Variants in OR14L1 observed in about 807,000 individuals in gnomAD.
OR14L1 encodes olfactory receptor family 14 subfamily L member 1, also known as olfactory receptor 14L1.
the OR14L1 span, among the ~76,000 whole-genome samples, chr1:247,619,066 G>A: frequency 2.6e-5 from 4 of 152,142 alleles, no homozygotes; most frequent in South Asian, 4.2e-4. Context: ...TGCTTTTTAC[G>A]TGAGGTGTTT....
the OR14L1 span, among the ~76,000 whole-genome samples, chr1:247,618,295 A>G: frequency 6.6e-6 from 1 of 152,178 alleles, no homozygotes; most frequent in Non-Finnish European, 1.5e-5. Context: ...ACAAAGAAGG[A>G]TAAGGAATAT....
chr1:247,621,215 C>T, the OR14L1 span: 3 of 152,238 alleles, frequency 2.0e-5, no homozygotes, highest in East Asian at 1.9e-4. Context: ...AAATCTTCTT[C>T]CATTTTTCCT....
chr1:247,617,559 G>T, the OR14L1 span, among the ~76,000 whole-genome samples: 1 of 152,050 alleles, frequency 6.6e-6, no homozygotes, highest in Non-Finnish European at 1.5e-5. Context: ...TTTTTTTGGG[G>T]TGATAGCAGT....
At chr1:247,617,183 C>T in the OR14L1 span, 1 of 152,160 alleles carries the variant, frequency 6.6e-6, no homozygotes, top group African/African-American at 2.4e-5. Context: ...AGATGTGGCA[C>T]TCATCAAGTT....
chr1:247,620,921 T>C, the OR14L1 span: 22 of 152,272 alleles, frequency 1.4e-4, no homozygotes, highest in South Asian at 4.3e-3. Context: ...CTACCGTATG[T>C]GTATATTAAT....
chr1:247,621,952 T>C, the OR14L1 span: 100,965 of 151,998 alleles, frequency 0.66, 33,900 homozygotes, highest in East Asian at 0.79. Context: ...CATTTGTCCA[T>C]GGTGGACACT....
At chr1:247,620,328 T>C in the OR14L1 span, 1 of 152,200 alleles carries the variant, frequency 6.6e-6, no homozygotes, top group African/African-American at 2.4e-5. Context: ...GGATTCCTTC[T>C]AAGGAGGGTA....
At chr1:247,621,348 A>C in the OR14L1 span, 5 of 152,200 alleles carry the variant, frequency 3.3e-5, no homozygotes, top group Non-Finnish European at 5.9e-5. Context: ...ATTAATACTT[A>C]AACTATAATA....
At chr1:247,620,806 T>C in the OR14L1 span, 2 of 152,218 alleles carry the variant, frequency 1.3e-5, no homozygotes, top group East Asian at 3.8e-4. Flanking sequence ...TGTGCTTTTA[T>C]TCATTTTTAT....
chr1:247,617,899 T>C, the OR14L1 span, among the ~76,000 whole-genome samples: 2 of 152,334 alleles, frequency 1.3e-5, no homozygotes, highest in South Asian at 2.1e-4. Flanking sequence ...CAATGCATAA[T>C]AGTTCTCACT....
chr1:247,617,472 A>G, the OR14L1 span: 1 of 152,240 alleles, frequency 6.6e-6, no homozygotes, highest in Non-Finnish European at 1.5e-5. Flanking sequence ...AATAGATTGC[A>G]CTGATATATT....
the OR14L1 span, among the ~76,000 whole-genome samples, chr1:247,618,823 C>T: frequency 6.6e-6 from 1 of 152,072 alleles, no homozygotes; most frequent in African/African-American, 2.4e-5. Context: ...TAAAATAGTT[C>T]TCAAAACCTA....
chr1:247,617,563 T>C, the OR14L1 span, among the ~76,000 whole-genome samples: 1 of 152,202 alleles, frequency 6.6e-6, no homozygotes, highest in Non-Finnish European at 1.5e-5. Flanking sequence ...TTTGGGGTGA[T>C]AGCAGTTCTG....
the OR14L1 span, among the ~76,000 whole-genome samples, chr1:247,618,915 C>T: frequency 1.1e-3 from 172 of 152,308 alleles, 1 homozygote; most frequent in Non-Finnish European, 1.9e-3. Flanking sequence ...CACTATTACC[C>T]TTTCTCAACA....
chr1:247,621,928 A>G, the OR14L1 span: 2 of 152,154 alleles, frequency 1.3e-5, no homozygotes, highest in Non-Finnish European at 1.5e-5. Context: ...TGTGTATACT[A>G]CATTTTAAAA....
chr1:247,617,312 C>G, the OR14L1 span: 1 of 152,138 alleles, frequency 6.6e-6, no homozygotes, highest in African/African-American at 2.4e-5. Context: ...TAAACCAAGG[C>G]TCCTTCTCAA....
At chr1:247,617,457 C>T in the OR14L1 span, 2 of 152,110 alleles carry the variant, frequency 1.3e-5, no homozygotes, top group African/African-American at 4.8e-5. Flanking sequence ...TATTATTTTT[C>T]AATTAATAGA....
the OR14L1 span, among the ~76,000 whole-genome samples, chr1:247,618,299 G>A: frequency 6.6e-6 from 1 of 152,114 alleles, no homozygotes; most frequent in African/African-American, 2.4e-5. Flanking sequence ...AGAAGGATAA[G>A]GAATATTTTG....
the OR14L1 span, chr1:247,621,102 A>G: frequency 2.6e-5 from 4 of 152,172 alleles, no homozygotes; most frequent in Non-Finnish European, 5.9e-5. Context: ...CAATAATATC[A>G]CAAACTATAA....
Sources: gnomAD v4.1 joint callset for allele counts (sites outside exome capture counted in the v4.1 genomes callset) on GRCh38, gnomAD v4.1.1 for gene constraint, MANE v1.5 for transcripts, NCBI Gene and HGNC (gene_info 2026-07-23, HGNC 2026-07-21) for gene names.